Variants in CXADR observed in about 807,000 individuals in gnomAD.
CXADR encodes the protein CXADR cell adhesion molecule.
In CXADR, 20 loss-of-function variants were observed where a neutral mutation model predicts 40.3. The observed-to-expected ratio is 0.50, with a 90% CI of 0.35 to 0.72. The LOEUF (loss-of-function observed/expected upper bound fraction) is 0.72. CXADR is among the 30% of genes least tolerant of loss of function. The pLI is 0.01. For missense variants in CXADR, 332 were observed against 449.1 expected, an observed-to-expected ratio of 0.74 and a Z score of 2.36; for synonymous variants, 150 against 161.3, an observed-to-expected ratio of 0.93 and a Z score of 0.53.
chr21:17,541,951 A>T, intron 1 of CXADR: 1 of 287,500 alleles, frequency 3.5e-6, no homozygotes, highest in Non-Finnish European at 6.8e-6. Flanking sequence ...ATACTTTGAC[A>T]TTATGTAACA....
rs575602329 is a variant in CXADR, at chr21:17,554,494, G to A, written c.415+2541G>A. Among the ~76,000 whole-genome samples, 274 of 152,290 alleles carry A rather than the reference G, an allele frequency of 1.8e-3. 1 individual carries two copies. Among genetic ancestry groups the A allele is most frequent in the Non-Finnish European group, 1.8e-3 (124 of 68,026 alleles). ...AGCCTTCAGTTCAAACCAAGGAGGG[G>A]GAGAGGGGATAAACTGGGGATGAGA... On this transcript the variant is annotated intron_variant, in intron 3 of 6. Transcript: ENST00000284878.
chr21:17,610,777 T>C, the CXADR span, among the ~76,000 whole-genome samples: 5 of 152,350 alleles, frequency 3.3e-5, no homozygotes, highest in South Asian at 2.1e-4. Context: ...ACAACTAACC[T>C]AGCAGTAGTT....
At chr21:17,635,181 C>A in the CXADR span, among the ~76,000 whole-genome samples, 1 of 152,092 alleles carries the variant, frequency 6.6e-6, no homozygotes, top group Non-Finnish European at 1.5e-5. Flanking sequence ...AGGTTAAGAC[C>A]TAGAGACGTA....
Position 17,567,512 on chromosome 21 carries a change from A to G in CXADR, c.*1820A>G, listed in dbSNP as rs1370390143. On this transcript the variant is annotated 3_prime_UTR_variant, in exon 7 of 7. Transcript: ENST00000284878. The stretch of plus-strand genomic sequence containing the variant: ...AGGTGAAGGTACTGTTTCTAAAAAC[A>G]CATCACTGTGATACCTTTCTATCCT... The G allele has an allele frequency of 2.0e-6, 2 of 985,298 alleles. No individual in the cohort carries two copies. Among genetic ancestry groups the G allele is most frequent in the Admixed American group, 1.2e-4 (2 of 16,268 alleles). 61.0% of individuals were successfully genotyped at this position (985,298 alleles called of 1,614,324 possible).
chr21:17,579,740 G>C (rs1449006853), intron 7 of CXADR, among the ~76,000 whole-genome samples: 1 of 152,184 alleles, frequency 6.6e-6, no homozygotes, highest in African/African-American at 2.4e-5. Context: ...AGCAGTCCTT[G>C]AATGGTGATG....
At chr21:17,537,013 C>T (rs897264319) in intron 1 of CXADR, among the ~76,000 whole-genome samples, 3 of 152,222 alleles carry the variant, frequency 2.0e-5, no homozygotes, top group African/African-American at 4.8e-5. Flanking sequence ...CCGTCTCAGC[C>T]TCCCAAAGTG....
At chr21:17,575,974 G>C (rs1359343943) in intron 7 of CXADR, among the ~76,000 whole-genome samples, 1 of 150,882 alleles carries the variant, frequency 6.6e-6, no homozygotes, top group Non-Finnish European at 1.5e-5. Flanking sequence ...TGTAGTCCCA[G>C]CTACTTGGGA....
the CXADR span, chr21:17,608,696 C>CAG: frequency 3.0e-6 from 1 of 333,048 alleles, no homozygotes; most frequent in Non-Finnish European, 5.4e-6. Context: ...TTGTGATAAA[C>CAG]AGAAATGCAC....
At chr21:17,553,819 A>T (rs1051088665) in intron 3 of CXADR, among the ~76,000 whole-genome samples, 5 of 151,958 alleles carry the variant, frequency 3.3e-5, no homozygotes, top group Non-Finnish European at 5.9e-5. Context: ...GGGTTTCACC[A>T]TGTTAGCCAG....
chr21:17,626,085 C>G, the CXADR span, among the ~76,000 whole-genome samples: 7 of 152,282 alleles, frequency 4.6e-5, no homozygotes, highest in African/African-American at 1.7e-4. Context: ...TCATTTGCAG[C>G]TGGTCTACCT....
At chr21:17,610,134 TAGACAGA>T in the CXADR span, among the ~76,000 whole-genome samples, 1 of 152,172 alleles carries the variant, frequency 6.6e-6, no homozygotes, top group Non-Finnish European at 1.5e-5. Context: ...CAAATCTATA[TAGACAGA>T]AGACAGATTA....
At chr21:17,593,976 T>G, downstream of CXADR, 1 of 1,200,558 alleles carries the variant, frequency 8.3e-7, no homozygotes, top group Non-Finnish European at 1.1e-6. Flanking sequence ...AAAAATAAGT[T>G]TGATGGTTTG....
At chr21:17,541,979 T>G (rs532076685) in intron 1 of CXADR, 59 of 337,938 alleles carry the variant, frequency 1.7e-4, no homozygotes, top group African/African-American at 1.3e-3. Flanking sequence ...TTTCTCATCA[T>G]AGCTTTCAGC....
the CXADR span, among the ~76,000 whole-genome samples, chr21:17,630,630 A>AGAC: frequency 2.7e-5 from 4 of 145,608 alleles, no homozygotes; most frequent in Non-Finnish European, 5.9e-5. Flanking sequence ...AATGTAGAGA[A>AGAC]GACTTCCTTC....
rs1290079832 is a variant in CXADR, at chr21:17,568,216, C to T, written c.*2524C>T. 1 of 932,564 alleles carries T rather than the reference C, an allele frequency of 1.1e-6. No homozygotes were observed. The highest frequency in any genetic ancestry group is 1.3e-6 in the Non-Finnish European group (1 of 783,134). 57.8% of individuals were successfully genotyped at this position (932,564 alleles called of 1,614,324 possible). ...GGATCTCGGCTCACTGCAAGCTCCGCCTCCCAGGTTCACGCCATTCTCCTG... is the reference window on the plus strand; with the variant it reads ...GGATCTCGGCTCACTGCAAGCTCCGTCTCCCAGGTTCACGCCATTCTCCTG... On this transcript the variant is annotated 3_prime_UTR_variant, in exon 7 of 7. Transcript: ENST00000284878.
chr21:17,631,678 T>C, the CXADR span, among the ~76,000 whole-genome samples: 1 of 152,222 alleles, frequency 6.6e-6, no homozygotes, highest in Non-Finnish European at 1.5e-5. Context: ...ACAGTATTAA[T>C]GATTTTAGCT....
At chr21:17,576,934 ATATT>A (rs1277467157) in intron 7 of CXADR, 2 of 152,216 alleles carry the variant, frequency 1.3e-5, no homozygotes, top group African/African-American at 4.8e-5. Context: ...AAAAAGCACT[ATATT>A]TATAGTTAAA....
At chr21:17,590,137 A>G (rs986082303) in intron 7 of CXADR, among the ~76,000 whole-genome samples, 1 of 151,932 alleles carries the variant, frequency 6.6e-6, no homozygotes, top group Non-Finnish European at 1.5e-5. Context: ...CTAAATCATA[A>G]TTAGTATTTT....
At chr21:17,544,349 G>A (rs2060867377) in intron 1 of CXADR, among the ~76,000 whole-genome samples, 1 of 152,202 alleles carries the variant, frequency 6.6e-6, no homozygotes, top group African/African-American at 2.4e-5. Context: ...GGAGGCCAGA[G>A]TAGTTGGACT....
Sources: gnomAD v4.1 joint callset for allele counts (sites outside exome capture counted in the v4.1 genomes callset) on GRCh38, gnomAD v4.1.1 for gene constraint, MANE v1.5 for transcripts, NCBI Gene and HGNC (gene_info 2026-07-23, HGNC 2026-07-21) for gene names.